Variants in RRAS2 observed in about 807,000 individuals in gnomAD.
RRAS2 encodes the protein ras-related protein R-Ras2.
A neutral mutation model predicts 27.6 loss-of-function variants in RRAS2; 7 were observed. The ratio of observed to expected loss-of-function variants is 0.25; its 90% CI spans 0.14 to 0.48. The LOEUF is 0.48. Among genes scored for constraint, RRAS2 ranks in the 20% least tolerant of loss-of-function variants. The probability of loss-of-function intolerance (pLI) is 0.99; values close to 1 mark genes in which losing one functional copy is unlikely to be tolerated. For synonymous variants in RRAS2, 86 were observed against 90.9 expected (o/e 0.95, Z 0.31); for missense variants, 178 against 256.2 (o/e 0.69, Z 2.08).
chr11:14,283,178 T>C (rs1849585164), intron 4 of RRAS2, among the ~76,000 whole-genome samples: 1 of 152,234 alleles, frequency 6.6e-6, no homozygotes, highest in South Asian at 2.1e-4. Flanking sequence ...GAGATGATTA[T>C]ATGATTTCTC....
chr11:14,294,402 C>A, intron 4 of RRAS2, 69 bp downstream of exon 4: 4 of 1,054,706 alleles, frequency 3.8e-6, no homozygotes, highest in South Asian at 3.3e-5. Flanking sequence ...TCAATTATTT[C>A]CTTAAATCTA....
intron 1 of RRAS2, chr11:14,342,139 C>T (rs1441812940): frequency 5.0e-6 from 1 of 201,432 alleles, no homozygotes; most frequent in Non-Finnish European, 1.0e-5. Context: ...CACTGCTCCT[C>T]CCAGATTCAA....
intron 1 of RRAS2, among the ~76,000 whole-genome samples, chr11:14,353,519 G>A (rs909555508): frequency 6.6e-6 from 1 of 151,850 alleles, no homozygotes; most frequent in African/African-American, 2.4e-5. Flanking sequence ...AACCTAGGAT[G>A]TGGAGGCTGC....
chr11:14,334,735 T>C (rs1554952378), intron 1 of RRAS2, among the ~76,000 whole-genome samples: 2 of 152,196 alleles, frequency 1.3e-5, no homozygotes, highest in African/African-American at 2.4e-5. Context: ...CCATCTTTTA[T>C]CCTTCAGTTA....
intron 1 of RRAS2, among the ~76,000 whole-genome samples, chr11:14,344,137 A>G (rs1194132119): frequency 6.6e-6 from 1 of 151,970 alleles, no homozygotes; most frequent in Non-Finnish European, 1.5e-5. Flanking sequence ...TGTCTCAAAC[A>G]AAATAATTTA....
At chr11:14,354,267 T>C (rs1849025610) in intron 1 of RRAS2, 1 of 152,212 alleles carries the variant, frequency 6.6e-6, no homozygotes, top group Non-Finnish European at 1.5e-5. Flanking sequence ...AGCTAACCCC[T>C]ACCTACCTCA....
At chr11:14,333,791 G>A (rs1039765269) in intron 1 of RRAS2, among the ~76,000 whole-genome samples, 20 of 152,008 alleles carry the variant, frequency 1.3e-4, no homozygotes, top group Admixed American at 2.6e-4. Context: ...CCACGGGCAC[G>A]TGCCAGCATG....
intron 1 of RRAS2, among the ~76,000 whole-genome samples, chr11:14,328,365 T>C (rs1263212358): frequency 7.8e-4 from 5 of 6,402 alleles, no homozygotes; most frequent in African/African-American, 1.5e-3. Context: ...AAACTCCAAC[T>C]CAAAAAAAAA....
chr11:14,340,291 G>C (rs782604662), intron 1 of RRAS2, among the ~76,000 whole-genome samples: 16 of 151,834 alleles, frequency 1.1e-4, no homozygotes, highest in Non-Finnish European at 2.1e-4. Flanking sequence ...AGCAGAAATG[G>C]GGTTTTGCCA....
At chr11:14,334,431 T>C (rs924608270) in intron 1 of RRAS2, among the ~76,000 whole-genome samples, 2 of 152,290 alleles carry the variant, frequency 1.3e-5, no homozygotes, top group East Asian at 1.9e-4. Context: ...GTTCTTGTTG[T>C]TGATCATATC....
chr11:14,336,499 A>G (rs1848592048), intron 1 of RRAS2, among the ~76,000 whole-genome samples: 1 of 152,336 alleles, frequency 6.6e-6, no homozygotes, highest in Admixed American at 6.5e-5. Context: ...AAATGAAAAA[A>G]AAGTCTCAGC....
At chr11:14,294,715 G>T in intron 3 of RRAS2, 45 bp downstream of exon 3, 4 of 1,574,058 alleles carry the variant, frequency 2.5e-6, no homozygotes, top group Non-Finnish European at 3.5e-6. Context: ...AAAGTCTAGT[G>T]ATCTTGACAA....
At chr11:14,344,085 G>A (rs1554953739) in intron 1 of RRAS2, among the ~76,000 whole-genome samples, 1 of 152,050 alleles carries the variant, frequency 6.6e-6, no homozygotes, top group Non-Finnish European at 1.5e-5. Context: ...CAAGGCTGCA[G>A]TGAGCCATGA....
chr11:14,355,773 A>T (rs1164722897), intron 1 of RRAS2, among the ~76,000 whole-genome samples: 1 of 152,120 alleles, frequency 6.6e-6, no homozygotes, highest in African/African-American at 2.4e-5. Context: ...AAGTAAGTCC[A>T]ATTTGTGCCA....
chr11:14,325,366 C>G (rs1848330826), intron 1 of RRAS2, among the ~76,000 whole-genome samples: 1 of 147,572 alleles, frequency 6.8e-6, no homozygotes, highest in Admixed American at 6.8e-5. Flanking sequence ...CGCTGGAGTG[C>G]AGTGGCGCGA....
chr11:14,325,520 C>CGAT (rs1388277479), intron 1 of RRAS2, among the ~76,000 whole-genome samples: 2 of 152,114 alleles, frequency 1.3e-5, no homozygotes, highest in Non-Finnish European at 2.9e-5. Context: ...AGAATGGTCT[C>CGAT]GATCTCCTGA....
rs550608443 is a variant in RRAS2 at position 14,347,867 on chromosome 11, T to C, written c.108+10896A>G. 5.5e-4 allele frequency among the ~76,000 whole-genome samples: 24 copies of C among 43,538 alleles called. 1 individual carries two copies. In the South Asian group the frequency reaches 0.013, roughly 24 times the overall value. 28.6% of individuals were successfully genotyped at this position (43,538 alleles called of 152,430 possible). ...AAATAATTTTTAAGATAAATTCCAG[T>C]AGAAAAAAAAAAATCTACTTTCCAA... On this transcript the variant is annotated intron_variant, in intron 1 of 5. Transcript: ENST00000256196.
chr11:14,279,239 T>G lies in RRAS2; in HGVS notation c.*98A>C. 1.2e-6 allele frequency: 1 copy of G among 861,370 alleles called. No individual in the cohort carries two copies. Among genetic ancestry groups the G allele is most frequent in the Non-Finnish European group, 2.0e-6 (1 of 508,988 alleles). 53.4% of individuals were successfully genotyped at this position (861,370 alleles called of 1,614,324 possible). A position where few individuals can be genotyped will look rare whatever the true frequency, so the allele number is the denominator to read the frequency against. ...GTCTAAGGCTAACATGGTGATCATT[T>G]GTCTAAGGCTAGAAAGGTACCAACA... On this transcript the variant is annotated 3_prime_UTR_variant, in exon 6 of 6. Coordinates refer to ENST00000256196, the MANE Select transcript of RRAS2 (RefSeq NM_012250.6).
intron 1 of RRAS2, among the ~76,000 whole-genome samples, chr11:14,347,012 A>G (rs1359261752): frequency 6.6e-6 from 1 of 152,148 alleles, no homozygotes; most frequent in Non-Finnish European, 1.5e-5. Flanking sequence ...TAAAAAAGTT[A>G]GACGGGCATG....
Sources: gnomAD v4.1 joint callset for allele counts (sites outside exome capture counted in the v4.1 genomes callset) on GRCh38, gnomAD v4.1.1 for gene constraint, MANE v1.5 for transcripts, NCBI Gene and HGNC (gene_info 2026-07-23, HGNC 2026-07-21) for gene names.